PEX5L: variants seen among roughly 807,000 people sequenced by gnomAD.
PEX5L encodes the protein PEX5-related protein.
PEX5L carries 30 observed loss-of-function variants against 84.0 expected under a neutral mutation model. That is an observed-to-expected ratio of 0.36 (90% CI 0.27 to 0.48). The LOEUF (loss-of-function observed/expected upper bound fraction) is 0.48, where lower values mean the gene tolerates loss of function less well. Ranked by LOEUF, PEX5L falls within the 20% of genes least tolerant of loss-of-function variation. The pLI, the probability that PEX5L is intolerant of heterozygous loss-of-function variation, is 0.99. For missense variants in PEX5L, 533 were observed against 754.6 expected (o/e 0.71, Z 3.44); for synonymous variants, 270 against 283.1 (o/e 0.95, Z 0.46).
rs1033628761 is a variant in PEX5L, at chr3:179,800,269, T to A, written c.*1559A>T. 6.6e-6 allele frequency: 1 copy of A among 152,220 alleles called. No homozygotes were observed. The highest frequency in any genetic ancestry group is 1.5e-5 in the Non-Finnish European group (1 of 68,036). The allele number at this position is 152,220 out of a possible 1,614,324, so 9.4% of individuals were successfully genotyped here. ...TTCTGTGGAGTCTTTTTTGTTGTTG[T>A]TGTTTTATTTTTTGTGGGTAGCTAT... On this transcript the variant is annotated 3_prime_UTR_variant, in exon 15 of 15. Transcript: ENST00000467460.
In PEX5L at chr3:179,971,637, A is replaced by T. The variant is rs766811023; in HGVS notation, c.50T>A (p.Leu17Gln). 1 of 1,608,072 alleles carries T rather than the reference A, an allele frequency of 6.2e-7. No homozygotes were observed. Among genetic ancestry groups the T allele is most frequent in the African/African-American group, 1.3e-5 (1 of 74,858 alleles). ...TATTTCGAGGTCTTCATCACTGCTT[A>T]GTTTTCCATATCCTTGTTCTTTACT... The part of the protein sequence containing the change: ...QKSKEQGYGK[L>Q]SSDEDLEIIV... Residue 17 changes from leucine to glutamine, a missense_variant, in exon 2 of 15, where the codon CTA (leucine) becomes CAA (glutamine). By Grantham distance (113) the Leu-to-Gln change is moderately radical. This residue lies in a region of PEX5L where 259 missense variants were observed against 301.7 expected (regional missense o/e 0.86). Coordinates refer to ENST00000467460, the MANE Select transcript of PEX5L (RefSeq NM_016559.3).
intron 1 of PEX5L, among the ~76,000 whole-genome samples, chr3:179,992,610 A>T (rs1374390862): frequency 6.6e-6 from 1 of 152,232 alleles, no homozygotes; most frequent in African/African-American, 2.4e-5. Flanking sequence ...AACGTAACAG[A>T]TGGCTCCCAC....
In PEX5L at chr3:179,973,210, A is replaced by G. The variant is rs761245369; in HGVS notation, c.22-1545T>C. 6 of 1,288,022 alleles carry G rather than the reference A, an allele frequency of 4.7e-6. No homozygotes were observed. The South Asian group carries it at 7.4e-5, about 16-fold the overall frequency. The allele number at this position is 1,288,022 out of a possible 1,614,324, so 79.8% of individuals were successfully genotyped here. ...TTCTGGACAAAAGGGCATTAAGTAG[A>G]GATGGAATGTGGGTCCTTCCATCCA... On this transcript the variant is annotated intron_variant, in intron 1 of 14. Coordinates refer to ENST00000467460, the MANE Select transcript of PEX5L (RefSeq NM_016559.3).
intron 2 of PEX5L, among the ~76,000 whole-genome samples, chr3:179,962,007 G>C (rs1782165737): frequency 2.0e-5 from 1 of 50,272 alleles, no homozygotes; most frequent in Non-Finnish European, 4.5e-5. Context: ...GTTAATCCCA[G>C]AGTAGTTTAG....
intron 1 of PEX5L, among the ~76,000 whole-genome samples, chr3:179,984,244 C>T (rs1017521486): frequency 3.3e-5 from 5 of 151,924 alleles, no homozygotes; most frequent in African/African-American, 1.2e-4. Flanking sequence ...AAATCTACTG[C>T]AAAAGATTAA....
intron 3 of PEX5L, among the ~76,000 whole-genome samples, chr3:179,889,373 A>G (rs191011085): frequency 6.6e-5 from 10 of 152,332 alleles, no homozygotes; most frequent in Admixed American, 3.9e-4. Context: ...AGACACATTT[A>G]GTACTCATAT....
chr3:179,821,685 C>T (rs1224479989), intron 8 of PEX5L, among the ~76,000 whole-genome samples: 1 of 152,180 alleles, frequency 6.6e-6, no homozygotes, highest in Non-Finnish European at 1.5e-5. Flanking sequence ...GCTGGAAGCA[C>T]ATGGAATGGC....
rs1717616057 is a variant in PEX5L, at chr3:179,797,729, T to C, written c.*4099A>G. The C allele has an allele frequency of 6.6e-6, 1 of 151,656 alleles. No individual in the cohort carries two copies. 9.4% of individuals were successfully genotyped at this position (151,656 alleles called of 1,614,324 possible). A position where few individuals can be genotyped will look rare whatever the true frequency, so the allele number is the denominator to read the frequency against. On this transcript the variant is annotated 3_prime_UTR_variant, in exon 15 of 15. Transcript: ENST00000467460. ...GTAAAATGTGGATACGAAATGAATT[T>C]GAAATTATTTTACAAGGTTGAAATC...
chr3:179,923,114 C>G (rs1222945977), intron 2 of PEX5L, among the ~76,000 whole-genome samples: 1 of 150,228 alleles, frequency 6.7e-6, no homozygotes, highest in Admixed American at 6.7e-5. Flanking sequence ...ACGGTGAAAA[C>G]CTGTCTCTAT....
intron 7 of PEX5L, among the ~76,000 whole-genome samples, chr3:179,867,076 A>T (rs894649003): frequency 6.6e-6 from 1 of 151,306 alleles, no homozygotes; most frequent in Non-Finnish European, 1.5e-5. Flanking sequence ...ACACACAAAA[A>T]CTGTCCCTTG....
At chr3:179,951,015 G>T (rs567694260) in intron 2 of PEX5L, among the ~76,000 whole-genome samples, 12 of 152,262 alleles carry the variant, frequency 7.9e-5, no homozygotes, top group African/African-American at 2.9e-4. Flanking sequence ...TCTCACTTTA[G>T]AATATGCATA....
chr3:179,880,362 T>A (rs1374030558), intron 4 of PEX5L, among the ~76,000 whole-genome samples: 1 of 152,214 alleles, frequency 6.6e-6, no homozygotes, highest in East Asian at 1.9e-4. Flanking sequence ...TCAGCAATGA[T>A]GAAGCTTTGA....
intron 2 of PEX5L, among the ~76,000 whole-genome samples, chr3:179,954,209 G>T (rs1054913826): frequency 6.7e-5 from 9 of 134,306 alleles, no homozygotes; most frequent in Admixed American, 1.5e-4. Flanking sequence ...TTAGTCGGGG[G>T]GGGGGGAAAA....
chr3:179,893,066 G>A (rs1758080405), intron 3 of PEX5L, among the ~76,000 whole-genome samples: 1 of 152,124 alleles, frequency 6.6e-6, no homozygotes, highest in Non-Finnish European at 1.5e-5. Flanking sequence ...GTAGGGGCTT[G>A]TTGTCAATCA....
At chr3:179,861,612 G>C (rs1746162090) in intron 7 of PEX5L, among the ~76,000 whole-genome samples, 1 of 152,212 alleles carries the variant, frequency 6.6e-6, no homozygotes, top group Admixed American at 6.5e-5. Flanking sequence ...CCATGAACAA[G>C]TAGCCTCCTT....
At chr3:179,872,217 T>C (rs1750651742) in intron 7 of PEX5L, among the ~76,000 whole-genome samples, 1 of 152,208 alleles carries the variant, frequency 6.6e-6, no homozygotes, top group Non-Finnish European at 1.5e-5. Flanking sequence ...TGTCTTTTAT[T>C]ACAGGTAGAT....
At chr3:180,036,348 C>G (rs73059378) in intron 1 of PEX5L, among the ~76,000 whole-genome samples, 4,436 of 152,224 alleles carry the variant, frequency 0.029, 225 homozygotes, top group African/African-American at 0.1. Flanking sequence ...AGGGAATGCA[C>G]AGAAAACAAA....
intron 8 of PEX5L, among the ~76,000 whole-genome samples, chr3:179,829,035 C>T (rs1436126004): frequency 1.3e-5 from 2 of 152,148 alleles, no homozygotes; most frequent in African/African-American, 4.8e-5. Context: ...ACATATTCAT[C>T]TTCTCAGTAC....
At chr3:179,961,195 ATGTGTATGTGTGTGTGTG>A (rs1335846011) in intron 2 of PEX5L, among the ~76,000 whole-genome samples, 3 of 139,822 alleles carry the variant, frequency 2.1e-5, no homozygotes, top group Admixed American at 7.0e-5. Flanking sequence ...TCACTTGTGT[ATGTGTATGTGTGTGTGTG>A]TGTGTGTGTG....
Sources: allele counts gnomAD v4.1 joint callset (sites outside exome capture counted in the v4.1 genomes callset), GRCh38; gene constraint gnomAD v4.1.1; regional missense constraint gnomAD v4.1.1; transcripts MANE v1.5; gene names NCBI Gene and HGNC (gene_info 2026-07-23, HGNC 2026-07-21).